Variants in GJD4 observed in about 807,000 individuals in gnomAD.
GJD4 encodes gap junction delta-4 protein.
In GJD4, 18 loss-of-function variants were observed where a neutral mutation model predicts 17.9. The ratio of observed to expected loss-of-function variants is 1.00; its 90% CI spans 0.69 to 1.49. The LOEUF (loss-of-function observed/expected upper bound fraction) is 1.49. Among genes scored for constraint, GJD4 ranks in the 40% most tolerant of loss-of-function variants. GJD4 has a pLI of 0.00. For synonymous variants in GJD4, 293 were observed against 236.8 expected (o/e 1.24, Z -2.18); for missense variants, 639 against 506.9 (o/e 1.26, Z -2.50).
At chr10:35,607,393 C>T in intron 1 of GJD4, 185 bp from the exon 2 acceptor site, 1 of 603,276 alleles carries the variant, frequency 1.7e-6, no homozygotes, top group South Asian at 2.0e-5. Flanking sequence ...CAAGACCAGC[C>T]TGGGCAATAT....
rs756040662 is a variant in GJD4, at chr10:35,605,635, A to T, written c.64+4A>T. ...AACTGCAACGTGACCATGGTGGGTG[A>T]GTATTGGGACCATCTCCAAACTCCT... is the stretch of plus-strand genomic sequence containing the variant. On this transcript the variant is annotated splice_donor_region_variant and intron_variant, in intron 1 of 1. Transcript: ENST00000321660. 6.2e-7 allele frequency: 1 copy of T among 1,609,992 alleles called. No individual in the cohort carries two copies. Among genetic ancestry groups the T allele is most frequent in the Non-Finnish European group, 8.5e-7 (1 of 1,176,208 alleles).
rs114643898 is a variant in GJD4, at chr10:35,608,788, A to T, written c.*162A>T. The T allele has an allele frequency of 1.0e-3, 568 of 546,686 alleles. 4 individuals carry two copies. The African/African-American group carries it at 0.011, about 10-fold the overall frequency. 33.9% of individuals were successfully genotyped at this position (546,686 alleles called of 1,614,324 possible). On this transcript the variant is annotated 3_prime_UTR_variant, in exon 2 of 2. Transcript: ENST00000321660. ...CCTCGTCTCTACAAAATATCTAAAA[A>T]TTAGCTGGGCACAGTGGCTCCCTCC...
Position 35,608,204 on chromosome 10 carries a change from C to A in GJD4, c.691C>A (p.Pro231Thr), listed in dbSNP as rs765464798. Residue 231 changes from proline (P) to threonine (T), a missense_variant, in exon 2 of 2, where the codon CCC (proline) becomes ACC (threonine). Physicochemically the swap from Pro to Thr is conservative, Grantham distance 38. Transcript: ENST00000321660. Reference sequence around the variant, plus strand: ...GCGGATGCGCAGGAGGCCGGGACCCCCCACAAGCCCCTCCATCCGGAAGCA... The same window carrying A: ...GCGGATGCGCAGGAGGCCGGGACCCACCACAAGCCCCTCCATCCGGAAGCA... The part of the protein sequence containing the change: ...RRRMRRRPGP[P>T]TSPSIRKQSG... The A allele has an allele frequency of 1.3e-6, 2 of 1,589,856 alleles. No homozygotes were observed. The highest frequency in any genetic ancestry group is 2.7e-5 in the African/African-American group (2 of 74,532).
intron 1 of GJD4, 107 bp from the exon 2 acceptor site, chr10:35,607,471 T>C (rs1835469154): frequency 2.8e-6 from 2 of 722,164 alleles, no homozygotes; most frequent in African/African-American, 3.5e-5. Context: ...AAGACATGCT[T>C]ATTGACGTTT....
Position 35,608,458 on chromosome 10 carries a change from C to A in GJD4, c.945C>A (p.His315Gln). ...KLGRQPRGRP[H>Q]REAAQDPRGS... The stretch of plus-strand genomic sequence containing the variant: ...GCAGACAGCCCCGGGGCAGGCCCCA[C>A]CGAGAGGCCGCCCAGGACCCCAGGG... Residue 315 changes from histidine to glutamine, a missense_variant, in exon 2 of 2, where the codon CAC becomes CAA. By Grantham distance (24) the His-to-Gln change is conservative. Transcript: ENST00000321660. The A allele has an allele frequency of 6.5e-7, 1 of 1,548,416 alleles. No individual in the cohort carries two copies. Among genetic ancestry groups the A allele is most frequent in the Non-Finnish European group, 8.7e-7 (1 of 1,146,866 alleles).
chr10:35,605,756 C>T, intron 1 of GJD4, 125 bp downstream of exon 1: 1 of 716,308 alleles, frequency 1.4e-6, no homozygotes, highest in East Asian at 2.6e-5. Flanking sequence ...GCTGAAAGTC[C>T]ACCCACTCCC....
chr10:35,607,579 A>T lies in GJD4; in HGVS notation c.66A>T (p.Gly22=). 1 of 1,612,906 alleles carries T rather than the reference A, an allele frequency of 6.2e-7. No homozygotes were observed. The highest frequency in any genetic ancestry group is 8.5e-7 in the Non-Finnish European group (1 of 1,179,004). The stretch of plus-strand genomic sequence containing the variant: ...CCATGCCCGCTTCCTCTCTTCCAGG[A>T]AAGCTCTGGTTCGTCCTCACGATGC... ...ITLNCNVTMV[G]KLWFVLTMLL... The change falls in exon 2 of 2, where the codon GGA becomes GGT. Residue 22 remains glycine (G), a splice_region_variant and synonymous_variant. Coordinates refer to ENST00000321660, the MANE Select transcript of GJD4 (RefSeq NM_153368.3).
chr10:35,606,296 T>A (rs1176997207), intron 1 of GJD4: 1 of 152,276 alleles, frequency 6.6e-6, no homozygotes, highest in Admixed American at 6.5e-5. Flanking sequence ...CCACCCGCCT[T>A]GGCTTCCCAA....
Position 35,605,400 on chromosome 10 carries a change from A to G in GJD4, c.-168A>G. ...AGGCAAACGGCTTAGGGCCGTCTCA[A>G]CTTGGAGACAGAAAAACCCACCTCC... is the stretch of plus-strand genomic sequence containing the variant. On this transcript the variant is annotated 5_prime_UTR_variant, in exon 1 of 2. Transcript: ENST00000321660. 1 of 663,810 alleles carries G rather than the reference A, an allele frequency of 1.5e-6. No individual in the cohort carries two copies. Among genetic ancestry groups the G allele is most frequent in the Non-Finnish European group, 2.7e-6 (1 of 370,658 alleles). 41.1% of individuals were successfully genotyped at this position (663,810 alleles called of 1,614,324 possible).
intron 1 of GJD4, chr10:35,606,438 A>G (rs1227779613): frequency 6.6e-6 from 1 of 152,190 alleles, no homozygotes; most frequent in East Asian, 1.9e-4. Context: ...AAAATAATAG[A>G]TTTTTGTTTA....
intron 1 of GJD4, chr10:35,605,970 G>A (rs1187027628): frequency 1.0e-5 from 3 of 288,772 alleles, no homozygotes; most frequent in East Asian, 7.2e-5. Context: ...GTGTGGCTAC[G>A]TTACCAGGAA....
At position 35,608,555 on chromosome 10, in the gene GJD4, C is replaced by T. The variant is rs369250060; in HGVS notation, c.1042C>T (p.Gln348Ter). 29 of 1,560,380 alleles carry T rather than the reference C, an allele frequency of 1.9e-5. 1 individual carries two copies. The South Asian group carries it at 3.0e-4, about 16-fold the overall frequency. The part of the protein sequence containing the change: ...LAAPPSCSSL[Q>*]PPDPPASSSG... ...CGCGCCCCCTTCCTGCAGCAGCCTG[C>T]AGCCCCCTGACCCGCCTGCCAGCTC... is the stretch of plus-strand genomic sequence containing the variant. Residue 348 changes from glutamine to a stop codon, truncating the protein, a stop_gained, in exon 2 of 2, where the codon CAG becomes TAG. Transcript: ENST00000321660. LOFTEE classifies it high-confidence loss of function.
At chr10:35,607,235 A>G in intron 1 of GJD4, 1 of 274,098 alleles carries the variant, frequency 3.6e-6, no homozygotes, top group Non-Finnish European at 6.8e-6. Flanking sequence ...GCATCTTACA[A>G]ACAAGGATGT....
chr10:35,608,151 T>A lies in GJD4; in HGVS notation c.638T>A (p.Leu213His). The change falls in exon 2 of 2, where the codon CTC becomes CAC. Residue 213 changes from leucine (L) to histidine (H), a missense_variant. Transcript: ENST00000321660. ...AVSALSFLLG[L>H]ADLVCSLRRR... ...AGCGCGCTGTCTTTTCTGCTGGGCCTCGCCGACCTGGTCTGCAGCCTGCGG... is the reference window on the plus strand; with the variant it reads ...AGCGCGCTGTCTTTTCTGCTGGGCCACGCCGACCTGGTCTGCAGCCTGCGG... The A allele has an allele frequency of 5.0e-6, 8 of 1,606,722 alleles. No individual in the cohort carries two copies. Among genetic ancestry groups the A allele is most frequent in the Non-Finnish European group, 6.8e-6 (8 of 1,178,328 alleles).
At chr10:35,607,534 G>C (rs1158074618) in intron 1 of GJD4, 44 bp from the exon 2 acceptor site, 15 of 1,345,834 alleles carry the variant, frequency 1.1e-5, no homozygotes, top group Non-Finnish European at 1.5e-5. Flanking sequence ...ACTCAGGGCA[G>C]TGTATTCGGG....
At chr10:35,607,542 G>T (rs11595555) in intron 1 of GJD4, 36 bp from the exon 2 acceptor site, 27,737 of 1,454,720 alleles carry the variant, frequency 0.019, 345 homozygotes, top group Non-Finnish European at 0.023. Context: ...CAGTGTATTC[G>T]GGGTGATGAG....
rs1835487028 is a variant in GJD4, at chr10:35,608,203, C to G, written c.690C>G (p.Pro230=). The change falls in exon 2 of 2, where the codon CCC becomes CCG. Residue 230 remains proline, a synonymous_variant. Transcript: ENST00000321660. ...LRRRMRRRPG[P]PTSPSIRKQS... Reference sequence around the variant, plus strand: ...GGCGGATGCGCAGGAGGCCGGGACCCCCCACAAGCCCCTCCATCCGGAAGC... The same window carrying G: ...GGCGGATGCGCAGGAGGCCGGGACCGCCCACAAGCCCCTCCATCCGGAAGC... 2 of 1,589,774 alleles carry G rather than the reference C, an allele frequency of 1.3e-6. No homozygotes were observed. Among genetic ancestry groups the G allele is most frequent in the Middle Eastern group, 3.3e-4 (2 of 6,034 alleles).
In GJD4 at chr10:35,605,520, A is replaced by G. The variant is rs368743087; in HGVS notation, c.-48A>G. 2.8e-5 allele frequency: 40 copies of G among 1,421,162 alleles called. No individual in the cohort carries two copies. The highest frequency in any genetic ancestry group is 3.9e-5 in the Non-Finnish European group (39 of 1,003,952). 88.0% of individuals were successfully genotyped at this position (1,421,162 alleles called of 1,614,324 possible). A position where few individuals can be genotyped will look rare whatever the true frequency, so the allele number is the denominator to read the frequency against. ...ATTTATCCGCCTCCTTGGAGAACAC[A>G]GCCCTCCAGTGTCTCCTGCAGCCTG... On this transcript the variant is annotated 5_prime_UTR_variant, in exon 1 of 2. Coordinates refer to ENST00000321660, the MANE Select transcript of GJD4 (RefSeq NM_153368.3).
In GJD4 at chr10:35,608,447, G is replaced by A; in HGVS notation, c.934G>A (p.Gly312Ser). The change falls in exon 2 of 2, where the codon GGC becomes AGC. Residue 312 changes from glycine (G) to serine (S), a missense_variant. Transcript: ENST00000321660. ...CGAAAAGCTGGGCAGACAGCCCCGG[G>A]GCAGGCCCCACCGAGAGGCCGCCCA... is the stretch of plus-strand genomic sequence containing the variant. Reference protein sequence around the residue: ...ASEKLGRQPRGRPHREAAQDP... With the variant: ...ASEKLGRQPRSRPHREAAQDP... The A allele has an allele frequency of 1.9e-6, 3 of 1,548,148 alleles. No individual in the cohort carries two copies. Among genetic ancestry groups the A allele is most frequent in the Non-Finnish European group, 2.6e-6 (3 of 1,146,710 alleles).
Sources: gnomAD v4.1 joint callset for allele counts on GRCh38, gnomAD v4.1.1 for gene constraint, MANE v1.5 for transcripts, NCBI Gene and HGNC (gene_info 2026-07-23, HGNC 2026-07-21) for gene names.